EFR3B: variants seen among roughly 807,000 people sequenced by gnomAD.
EFR3B encodes protein EFR3 homolog B.
A neutral mutation model predicts 104.7 loss-of-function variants in EFR3B; 64 were observed. The observed-to-expected ratio is 0.61, with a 90% CI of 0.50 to 0.75. The LOEUF (loss-of-function observed/expected upper bound fraction) is 0.75, where lower values mean the gene tolerates loss of function less well. Among genes scored for constraint, EFR3B ranks in the 30% least tolerant of loss-of-function variants. The pLI, the probability that EFR3B is intolerant of heterozygous loss-of-function variation, is 0.00. For missense variants in EFR3B, 750 were observed against 1,078.5 expected (o/e 0.70, Z 4.27); for synonymous variants, 385 against 417.9 (o/e 0.92, Z 0.96).
Position 25,092,391 on chromosome 2 carries a change from A to G in EFR3B, c.85-612A>G, listed in dbSNP as rs1405716364. ...CCTGGGTGGCTTTTAATGATGCTGT[A>G]TCATCCATTCCTACACACACACACA... is the stretch of plus-strand genomic sequence containing the variant. On this transcript the variant is annotated intron_variant, in intron 2 of 22. Transcript: ENST00000403714. Among the ~76,000 whole-genome samples, 3 of 147,518 alleles carry G rather than the reference A, an allele frequency of 2.0e-5. No homozygotes were observed. In the Admixed American group the frequency reaches 2.1e-4, roughly 10 times the overall value.
rs778796945 is a variant in EFR3B, at chr2:25,152,018, C to T, written c.2296C>T (p.Arg766Trp). 7 of 1,551,330 alleles carry T rather than the reference C, an allele frequency of 4.5e-6. No homozygotes were observed. The highest frequency in any genetic ancestry group is 1.2e-5 in the South Asian group (1 of 84,036). Residue 766 changes from arginine (R) to tryptophan (W), a missense_variant and splice_region_variant, in exon 21 of 23, where the codon CGG (arginine) becomes TGG (tryptophan). Physicochemically the swap from Arg to Trp is moderately radical, Grantham distance 101. Transcript: ENST00000403714. ...GGAGATTGCTGCACACTGCGGGGCC[C>T]GGGTAAGTGAAGCATGACATGGGCG... Reference protein sequence around the residue: ...FEEIAAHCGARASLLQSKLNQ... With the variant: ...FEEIAAHCGAWASLLQSKLNQ...
At chr2:25,135,380 C>G in intron 12 of EFR3B, 87 bp from the exon 13 acceptor site, 1 of 1,470,912 alleles carries the variant, frequency 6.8e-7, no homozygotes, top group Non-Finnish European at 9.2e-7. Flanking sequence ...TACATCAGAC[C>G]TGACTTCCTC....
intron 1 of EFR3B, among the ~76,000 whole-genome samples, chr2:25,055,865 A>G (rs567144596): frequency 1.2e-4 from 19 of 152,256 alleles, no homozygotes; most frequent in Admixed American, 3.3e-4. Context: ...GGTCTCCTCT[A>G]CTGTATCTTA....
chr2:25,077,446 C>T (rs893961047), intron 1 of EFR3B, among the ~76,000 whole-genome samples: 2 of 152,188 alleles, frequency 1.3e-5, no homozygotes, highest in African/African-American at 4.8e-5. Context: ...CGCCACCACA[C>T]CTGGCTAATT....
chr2:25,068,222 G>A (rs966749544), intron 1 of EFR3B, among the ~76,000 whole-genome samples: 3 of 152,160 alleles, frequency 2.0e-5, no homozygotes, highest in Non-Finnish European at 2.9e-5. Flanking sequence ...TGCTGCTGGG[G>A]AGCCATTATT....
chr2:25,131,688 C>G lies in EFR3B; in HGVS notation c.986-62C>G. The G allele has an allele frequency of 4.7e-6, 7 of 1,478,462 alleles. No individual in the cohort carries two copies. Among genetic ancestry groups the G allele is most frequent in the Non-Finnish European group, 6.3e-6 (7 of 1,109,180 alleles). The allele number at this position is 1,478,462 out of a possible 1,614,324, so 91.6% of individuals were successfully genotyped here. ...GGCGTGACCCTGCCCTGCCTGCGCG[C>G]GGTGCACAGAGGAGGAGGGTGCCAG... is the stretch of plus-strand genomic sequence containing the variant. On this transcript the variant is annotated intron_variant, in intron 9 of 22. Transcript: ENST00000403714. This position sits in a 1 kb window ranked among gnomAD's most constrained non-coding sequence, Gnocchi z 7.6.
intron 4 of EFR3B, among the ~76,000 whole-genome samples, chr2:25,112,775 A>G (rs1291758520): frequency 6.6e-6 from 1 of 152,242 alleles, no homozygotes; most frequent in Non-Finnish European, 1.5e-5. Flanking sequence ...AGGTAAATGC[A>G]GCAAAAAGGC....
At chr2:25,152,601 C>T (rs1671042763) in intron 21 of EFR3B, among the ~76,000 whole-genome samples, 1 of 152,064 alleles carries the variant, frequency 6.6e-6, no homozygotes, top group African/African-American at 2.4e-5. Context: ...GAGAGAGAGG[C>T]AGCTGGACAT....
intron 1 of EFR3B, among the ~76,000 whole-genome samples, chr2:25,047,890 CA>C (rs1479381612): frequency 6.6e-6 from 1 of 152,106 alleles, no homozygotes; most frequent in East Asian, 1.9e-4. Context: ...TTCCTTCTAT[CA>C]AACAAAGGAA....
intron 4 of EFR3B, among the ~76,000 whole-genome samples, chr2:25,109,141 G>A (rs1669649450): frequency 2.0e-5 from 3 of 150,810 alleles, no homozygotes; most frequent in Admixed American, 2.0e-4. Flanking sequence ...TCAATAACCA[G>A]AATATACAAA....
chr2:25,092,312 C>A (rs1240291296), intron 2 of EFR3B, among the ~76,000 whole-genome samples: 1 of 151,722 alleles, frequency 6.6e-6, no homozygotes, highest in Non-Finnish European at 1.5e-5. Flanking sequence ...TTGTGATCCG[C>A]CCACCTCAGG....
intron 1 of EFR3B, 22 bp from the exon 2 acceptor site, chr2:25,091,303 G>C: frequency 1.3e-6 from 2 of 1,548,652 alleles, no homozygotes; most frequent in Non-Finnish European, 1.7e-6. Flanking sequence ...TTTGCTCACA[G>C]TTTTTCCCAT....
At chr2:25,121,971 T>A (rs1234880696) in intron 5 of EFR3B, among the ~76,000 whole-genome samples, 177 bp downstream of exon 5, 1 of 151,764 alleles carries the variant, frequency 6.6e-6, no homozygotes, top group Non-Finnish European at 1.5e-5. Flanking sequence ...TCTGTTTTTT[T>A]TTTTTTTCTT....
At chr2:25,143,288 T>G (rs1670725578) in intron 17 of EFR3B, among the ~76,000 whole-genome samples, 1 of 152,168 alleles carries the variant, frequency 6.6e-6, no homozygotes, top group Admixed American at 6.6e-5. Flanking sequence ...ATAGTGGTTA[T>G]CTCTGGAAAT....
At chr2:25,129,608 C>T (rs868484282) in intron 6 of EFR3B, among the ~76,000 whole-genome samples, 1 of 152,090 alleles carries the variant, frequency 6.6e-6, no homozygotes, top group African/African-American at 2.4e-5. Flanking sequence ...GCCTCCCTTT[C>T]CTATCTTCAT....
chr2:25,131,799 C>G lies in EFR3B; in HGVS notation c.1035C>G (p.Leu345=). The change falls in exon 10 of 23, where the codon CTC becomes CTG. Residue 345 remains leucine, a synonymous_variant. Transcript: ENST00000403714. The surrounding 1 kb of genome is among the most constrained non-coding windows in gnomAD (Gnocchi z 7.6). The part of the protein sequence containing the change: ...MFNTLLRQLR[L]SIDYALTGSY... ...ACACGCTGCTGAGGCAGCTGCGGCT[C>G]AGCATCGACTACGCGCTGACCGGGA... 1 of 1,548,068 alleles carries G rather than the reference C, an allele frequency of 6.5e-7. No individual in the cohort carries two copies. Among genetic ancestry groups the G allele is most frequent in the Non-Finnish European group, 8.7e-7 (1 of 1,145,650 alleles).
chr2:25,121,355 G>A (rs985306138), intron 4 of EFR3B, among the ~76,000 whole-genome samples: 5 of 152,174 alleles, frequency 3.3e-5, no homozygotes, highest in African/African-American at 1.2e-4. Context: ...CCCCGCCCCC[G>A]TGTGTTTGTG....
intron 16 of EFR3B, 46 bp downstream of exon 16, chr2:25,139,236 G>A: frequency 2.6e-6 from 4 of 1,535,584 alleles, no homozygotes; most frequent in Non-Finnish European, 3.5e-6. Context: ...TCAACTTGGG[G>A]TTTCCTGGGA....
rs1670545402 is a variant in EFR3B at position 25,137,369 on chromosome 2, A to C, written c.1589A>C (p.Tyr530Ser). Residue 530 changes from tyrosine to serine, a missense_variant, in exon 15 of 23, where the codon TAC becomes TCC. By Grantham distance (144) the Tyr-to-Ser change is moderately radical (BLOSUM62 -2). Coordinates refer to ENST00000403714, the MANE Select transcript of EFR3B (RefSeq NM_014971.2). The surrounding 1 kb of genome is among the most constrained non-coding windows in gnomAD (Gnocchi z 4.7). Reference protein sequence around the residue: ...KHSQQLYRHIYLSCKEETNVQ... With the variant: ...KHSQQLYRHISLSCKEETNVQ... ...TCCCAGCAGCTCTACAGACACATCT[A>C]CCTGAGCTGCAAGGAGGAAACAAAC... 1 of 1,552,014 alleles carries C rather than the reference A, an allele frequency of 6.4e-7. No individual in the cohort carries two copies. The highest frequency in any genetic ancestry group is 8.7e-7 in the Non-Finnish European group (1 of 1,147,098).
Sources: allele counts gnomAD v4.1 joint callset (sites outside exome capture counted in the v4.1 genomes callset), GRCh38; gene constraint gnomAD v4.1.1; non-coding constraint Gnocchi (gnomAD v3.1); transcripts MANE v1.5; gene names NCBI Gene and HGNC (gene_info 2026-07-23, HGNC 2026-07-21).